The following SRGAP1 variants were observed in gnomAD, a reference collection of about 807,000 sequenced individuals.
SRGAP1 encodes SLIT-ROBO Rho GTPase activating protein 1, also known as SLIT-ROBO Rho GTPase-activating protein 1.
A neutral mutation model predicts 121.9 loss-of-function variants in SRGAP1; 43 were observed. That is an observed-to-expected ratio of 0.35 (90% CI 0.28 to 0.46). SRGAP1 has a LOEUF of 0.46. Ranked by LOEUF, SRGAP1 falls within the 20% of genes least tolerant of loss-of-function variation. The pLI, the probability that SRGAP1 is intolerant of heterozygous loss-of-function variation, is 1.00. For missense variants in SRGAP1, 1,102 were observed against 1,350.9 expected, an observed-to-expected ratio of 0.82 and a Z score of 2.89; for synonymous variants, 447 against 485.4, an observed-to-expected ratio of 0.92 and a Z score of 1.04.
At chr12:63,871,485 G>T (rs903816151) in intron 1 of SRGAP1, among the ~76,000 whole-genome samples, 2 of 152,140 alleles carry the variant, frequency 1.3e-5, no homozygotes, top group Non-Finnish European at 2.9e-5. Context: ...CCTCCGTAGG[G>T]CTTCGCTAGC....
chr12:64,133,281 C>T (rs1244355212), intron 21 of SRGAP1, among the ~76,000 whole-genome samples: 1 of 152,208 alleles, frequency 6.6e-6, no homozygotes, highest in Non-Finnish European at 1.5e-5. Context: ...TAGCCCCCAC[C>T]CTACCAGTCC....
chr12:64,138,892 A>C (rs1023978863), intron 21 of SRGAP1, among the ~76,000 whole-genome samples: 1 of 152,158 alleles, frequency 6.6e-6, no homozygotes, highest in Non-Finnish European at 1.5e-5. Context: ...ATTAGTGATA[A>C]TATTTCTCCA....
intron 1 of SRGAP1, among the ~76,000 whole-genome samples, chr12:63,890,831 T>G (rs1350220518): frequency 1.3e-5 from 2 of 152,148 alleles, no homozygotes; most frequent in Non-Finnish European, 2.9e-5. Context: ...GAGAACTGGT[T>G]CTGTTGTAAG....
chr12:64,008,421 A>T (rs970193099), intron 3 of SRGAP1, among the ~76,000 whole-genome samples: 2 of 152,140 alleles, frequency 1.3e-5, no homozygotes, highest in African/African-American at 2.4e-5. Flanking sequence ...CAGATTGGTG[A>T]CCAGTTAACT....
intron 1 of SRGAP1, among the ~76,000 whole-genome samples, chr12:63,856,999 T>C (rs1303580610): frequency 1.3e-5 from 2 of 152,232 alleles, no homozygotes; most frequent in African/African-American, 4.8e-5. Flanking sequence ...TTTAGATTTA[T>C]ATCAGGATGC....
chr12:64,078,814 G>T, intron 8 of SRGAP1, 105 bp from the exon 9 acceptor site: 1 of 1,143,556 alleles, frequency 8.7e-7, no homozygotes, highest in South Asian at 1.5e-5. Flanking sequence ...GAATTTGGCG[G>T]GGGCAGGCCC....
intron 1 of SRGAP1, among the ~76,000 whole-genome samples, chr12:63,947,866 T>A (rs2032098893): frequency 6.6e-6 from 1 of 152,196 alleles, no homozygotes; most frequent in Non-Finnish European, 1.5e-5. Context: ...GAGATCCTAA[T>A]CTCAGGCAAT....
At chr12:63,892,474 T>A (rs187076190) in intron 1 of SRGAP1, among the ~76,000 whole-genome samples, 217 of 152,358 alleles carry the variant, frequency 1.4e-3, no homozygotes, top group African/African-American at 5.1e-3. Flanking sequence ...TTTCTCTTTA[T>A]CTTTTAGAGT....
chr12:64,017,646 C>T (rs2034437793), intron 4 of SRGAP1, among the ~76,000 whole-genome samples: 1 of 148,562 alleles, frequency 6.7e-6, no homozygotes, highest in East Asian at 2.0e-4. Flanking sequence ...CAGAGTGAGA[C>T]TCTATCTCAA....
chr12:63,874,069 AAAG>A (rs893645229), intron 1 of SRGAP1, among the ~76,000 whole-genome samples: 6 of 152,070 alleles, frequency 3.9e-5, no homozygotes, highest in Admixed American at 3.9e-4. Flanking sequence ...GAAAGAGAAG[AAAG>A]AAGGAAGGGA....
intron 3 of SRGAP1, among the ~76,000 whole-genome samples, chr12:64,008,252 G>GCCTGTCATC (rs1189365741): frequency 6.6e-6 from 1 of 152,118 alleles, no homozygotes; most frequent in African/African-American, 2.4e-5. Context: ...CCCTTAAAGT[G>GCCTGTCATC]CCTGTCATCC....
chr12:63,966,344 T>A lies in SRGAP1; in HGVS notation c.68-17603T>A, dbSNP rs541733225. On this transcript the variant is annotated intron_variant, in intron 1 of 21. Coordinates refer to ENST00000355086, the MANE Select transcript of SRGAP1 (RefSeq NM_020762.4). ...TTCTAATTTAATCCTCACAACAGGT[T>A]AATGAGATTGATTTCAGTTGAGGCT... is the stretch of plus-strand genomic sequence containing the variant. Among the ~76,000 whole-genome samples, 8 of 152,340 alleles carry A rather than the reference T, an allele frequency of 5.3e-5. No homozygotes were observed. In the East Asian group the frequency reaches 1.5e-3, roughly 29 times the overall value.
At chr12:63,895,149 G>A (rs1421317121) in intron 1 of SRGAP1, among the ~76,000 whole-genome samples, 1 of 152,144 alleles carries the variant, frequency 6.6e-6, no homozygotes, top group Non-Finnish European at 1.5e-5. Flanking sequence ...GTTGTTTCCT[G>A]ACTTTTTTAT....
intron 6 of SRGAP1, among the ~76,000 whole-genome samples, chr12:64,056,720 T>G: frequency 6.6e-6 from 1 of 152,178 alleles, no homozygotes; most frequent in Admixed American, 6.6e-5. Context: ...CTCTTGCAAC[T>G]TTTCCCTTAG....
chr12:64,099,270 T>C (rs1391739649), intron 15 of SRGAP1, among the ~76,000 whole-genome samples: 4 of 152,120 alleles, frequency 2.6e-5, no homozygotes, highest in East Asian at 3.9e-4. Context: ...TTTAGTGAGT[T>C]AATATGTGTA....
chr12:63,869,648 TTTGA>T (rs1208294035), intron 1 of SRGAP1, among the ~76,000 whole-genome samples: 2 of 152,232 alleles, frequency 1.3e-5, no homozygotes, highest in Non-Finnish European at 2.9e-5. Flanking sequence ...GCCTTTATAA[TTTGA>T]TTGTCTCCTT....
chr12:64,002,838 C>A (rs1003237217), intron 3 of SRGAP1, among the ~76,000 whole-genome samples: 17 of 152,006 alleles, frequency 1.1e-4, no homozygotes, highest in Non-Finnish European at 2.1e-4. Flanking sequence ...ATGGTTTAAA[C>A]AAGACTAGGA....
At chr12:64,000,279 A>AGT (rs1161739912) in intron 3 of SRGAP1, among the ~76,000 whole-genome samples, 2 of 107,082 alleles carry the variant, frequency 1.9e-5, no homozygotes, top group Admixed American at 8.6e-5. Flanking sequence ...TGTGTGTAAA[A>AGT]AAAAAAAACC....
chr12:63,874,513 C>T (rs1231645964), intron 1 of SRGAP1, among the ~76,000 whole-genome samples: 2 of 151,964 alleles, frequency 1.3e-5, no homozygotes, highest in Non-Finnish European at 2.9e-5. Flanking sequence ...GAAAGTGTGA[C>T]TTTTGAAGAG....
Sources: allele counts gnomAD v4.1 joint callset (sites outside exome capture counted in the v4.1 genomes callset), GRCh38; gene constraint gnomAD v4.1.1; transcripts MANE v1.5; gene names NCBI Gene and HGNC (gene_info 2026-07-23, HGNC 2026-07-21).